The following RMDN1 variants were observed in gnomAD, a reference collection of about 807,000 sequenced individuals.
The protein encoded by RMDN1 is regulator of microtubule dynamics protein 1.
RMDN1 carries 48 observed loss-of-function variants against 48.9 expected under a neutral mutation model. That is an observed-to-expected ratio of 0.98 (90% confidence interval 0.78 to 1.25). The LOEUF (loss-of-function observed/expected upper bound fraction) is 1.25. Ranked by LOEUF, RMDN1 falls within the 50% of genes most tolerant of loss-of-function variation. The pLI is 0.00. For synonymous variants in RMDN1, 148 were observed against 132.6 expected, an observed-to-expected ratio of 1.12 and a Z score of -0.80; for missense variants, 418 against 373.4, an observed-to-expected ratio of 1.12 and a Z score of -0.98.
chr8:86,485,657 A>C (rs1246667755), intron 4 of RMDN1, among the ~76,000 whole-genome samples: 1 of 152,192 alleles, frequency 6.6e-6, no homozygotes. Context: ...TATAGTAAGA[A>C]CAGCCACAAT....
downstream of RMDN1, among the ~76,000 whole-genome samples, chr8:86,471,168 T>C (rs2130286120): frequency 6.6e-6 from 1 of 151,758 alleles, no homozygotes; most frequent in African/African-American, 2.4e-5. Context: ...TTTTTTCAAT[T>C]TGTGAATCTA....
Position 86,474,093 on chromosome 8 carries a change from G to T in RMDN1, c.*215C>A. The T allele has an allele frequency of 1.6e-6, 2 of 1,278,484 alleles. No individual in the cohort carries two copies. Among genetic ancestry groups the T allele is most frequent in the African/African-American group, 1.5e-5 (1 of 65,462 alleles). 79.2% of individuals were successfully genotyped at this position (1,278,484 alleles called of 1,614,324 possible). ...ATCCAGGATGCAAAATAATCTCTTT[G>T]CCTGAGCCATGGAGATTTATTTCTA... On this transcript the variant is annotated 3_prime_UTR_variant, in exon 10 of 10. Coordinates refer to ENST00000406452, the MANE Select transcript of RMDN1 (RefSeq NM_016033.3).
At chr8:86,491,341 G>A (rs1461221385) in intron 2 of RMDN1, among the ~76,000 whole-genome samples, 1 of 151,910 alleles carries the variant, frequency 6.6e-6, no homozygotes, top group East Asian at 1.9e-4. Context: ...TCACCATGTT[G>A]GCCAGGATGG....
chr8:86,474,237 T>A lies in RMDN1; in HGVS notation c.*71A>T, dbSNP rs368544897. 1.2e-6 allele frequency: 2 copies of A among 1,601,564 alleles called. No individual in the cohort carries two copies. The highest frequency in any genetic ancestry group is 2.7e-5 in the African/African-American group (2 of 74,344). ...AAAGCCGTAGAACAGTTATAGTTCA[T>A]ATATTAAGTTTAGAATTAAAAGAAA... On this transcript the variant is annotated 3_prime_UTR_variant, in exon 10 of 10. Coordinates refer to ENST00000406452, the MANE Select transcript of RMDN1 (RefSeq NM_016033.3).
intron 2 of RMDN1, among the ~76,000 whole-genome samples, chr8:86,498,190 A>C (rs1016697726): frequency 3.3e-5 from 5 of 152,190 alleles, no homozygotes; most frequent in Non-Finnish European, 7.3e-5. Flanking sequence ...AAACATCCCA[A>C]GATTGAACCA....
chr8:86,486,683 C>A (rs746191895), intron 3 of RMDN1, 40 bp from the exon 4 acceptor site: 1 of 1,513,150 alleles, frequency 6.6e-7, no homozygotes, highest in East Asian at 2.3e-5. Flanking sequence ...TTTTAGCTCA[C>A]ATTTAAAAAT....
In RMDN1 at chr8:86,501,283, G is replaced by A. The variant is rs1337083213; in HGVS notation, c.247+5712C>T. On this transcript the variant is annotated intron_variant, in intron 2 of 9. Coordinates refer to ENST00000406452, the MANE Select transcript of RMDN1 (RefSeq NM_016033.3). ...TTCTGGTTTTCCCTTTCAAAGTACT[G>A]AATTTTGTTACTTCAGAAAGCACTA... Among the ~76,000 whole-genome samples the A allele has an allele frequency of 2.0e-5, 3 of 152,274 alleles. No homozygotes were observed. The East Asian group carries it at 5.8e-4, about 29-fold the overall frequency.
intron 2 of RMDN1, among the ~76,000 whole-genome samples, chr8:86,496,220 C>T (rs1817319816): frequency 1.3e-5 from 2 of 152,190 alleles, no homozygotes; most frequent in African/African-American, 4.8e-5. Flanking sequence ...CATAGCGACA[C>T]TGTAAAGCAA....
chr8:86,469,399 C>T (rs1812365368), downstream of RMDN1, among the ~76,000 whole-genome samples: 1 of 152,160 alleles, frequency 6.6e-6, no homozygotes, highest in African/African-American at 2.4e-5. Context: ...AGATACACGA[C>T]AGAAAGCCAC....
intron 2 of RMDN1, among the ~76,000 whole-genome samples, chr8:86,502,602 TTTC>T (rs1818441702): frequency 6.6e-6 from 1 of 152,204 alleles, no homozygotes; most frequent in African/African-American, 2.4e-5. Flanking sequence ...TTGATGGATT[TTTC>T]TTTTTTTCGC....
chr8:86,475,014 T>G (rs1813133207), intron 8 of RMDN1, 61 bp from the exon 9 acceptor site: 2 of 1,455,090 alleles, frequency 1.4e-6, no homozygotes, highest in Non-Finnish European at 1.8e-6. Flanking sequence ...TTTTTAAAGG[T>G]TTGTTTCTGA....
intron 2 of RMDN1, among the ~76,000 whole-genome samples, chr8:86,501,653 A>C (rs1364118717): frequency 8.4e-6 from 1 of 119,188 alleles, no homozygotes; most frequent in Non-Finnish European, 1.7e-5. Context: ...TAAGCATCAG[A>C]GTGAGACCCT....
intron 2 of RMDN1, among the ~76,000 whole-genome samples, chr8:86,502,518 T>A (rs1818423932): frequency 1.3e-5 from 2 of 152,198 alleles, no homozygotes; most frequent in Admixed American, 1.3e-4. Context: ...AGTGCTGGGA[T>A]TACAGGCATG....
At position 86,474,290 on chromosome 8, in the gene RMDN1, ATCT is replaced by A. The variant is rs771370313; in HGVS notation, c.*15_*17del. 5.5e-5 allele frequency: 88 copies of A among 1,613,222 alleles called. 1 individual carries two copies. The highest frequency in any genetic ancestry group is 2.2e-4 in the Admixed American group (13 of 59,946). ...GCAATGTTTATTAGCTATTTCATAA[ATCT>A]TCTCTGAAAAGTTCTCAATTCTTCT... On this transcript the variant is annotated 3_prime_UTR_variant, in exon 10 of 10. Transcript: ENST00000406452.
At chr8:86,504,463 G>C (rs1818937169) in intron 2 of RMDN1, 2 of 1,556,110 alleles carry the variant, frequency 1.3e-6, no homozygotes, top group Non-Finnish European at 1.8e-6. Context: ...TTACTCAACA[G>C]GAATCTTCAA....
chr8:86,475,038 A>G (rs1005454858), intron 8 of RMDN1, 85 bp from the exon 9 acceptor site: 26 of 1,232,234 alleles, frequency 2.1e-5, no homozygotes, highest in South Asian at 6.2e-5. Context: ...CTAAATTTCA[A>G]TAAATTTGTG....
intron 5 of RMDN1, among the ~76,000 whole-genome samples, chr8:86,483,860 C>T (rs1346453824): frequency 4.8e-5 from 7 of 145,608 alleles, no homozygotes; most frequent in Admixed American, 1.4e-4. Context: ...TGAAGTTCAT[C>T]CATGTTAAGA....
At chr8:86,512,000 C>T (rs1413707722), upstream of RMDN1, among the ~76,000 whole-genome samples, 2 of 152,082 alleles carry the variant, frequency 1.3e-5, no homozygotes, top group South Asian at 2.1e-4. Context: ...ATTTCTAGAA[C>T]CTTGTTAGGC....
At chr8:86,499,273 A>C (rs549722855) in intron 2 of RMDN1, among the ~76,000 whole-genome samples, 2 of 152,228 alleles carry the variant, frequency 1.3e-5, no homozygotes, top group East Asian at 1.9e-4. Context: ...AGGAACTCAA[A>C]CCATCTCTCC....
Sources: allele counts gnomAD v4.1 joint callset (sites outside exome capture counted in the v4.1 genomes callset), GRCh38; gene constraint gnomAD v4.1.1; transcripts MANE v1.5; gene names NCBI Gene and HGNC (gene_info 2026-07-23, HGNC 2026-07-21).